The following FAM135B variants were observed in gnomAD, a reference collection of about 807,000 sequenced individuals.
The protein encoded by FAM135B is family with sequence similarity 135 member B, also known as protein FAM135B.
A neutral mutation model predicts 127.7 loss-of-function variants in FAM135B; 43 were observed. The observed-to-expected ratio is 0.34, with a 90% CI of 0.26 to 0.43. The LOEUF is 0.43. Among genes scored for constraint, FAM135B ranks in the 20% least tolerant of loss-of-function variants. The pLI, the probability that FAM135B is intolerant of heterozygous loss-of-function variation, is 1.00. For missense variants in FAM135B, 1,558 were observed against 1,725.6 expected (o/e 0.90, Z 1.72); for synonymous variants, 670 against 665.1 (o/e 1.01, Z -0.11).
At chr8:138,418,884 C>CA (rs761615203) in intron 1 of FAM135B, among the ~76,000 whole-genome samples, 8,810 of 116,248 alleles carry the variant, frequency 0.076, 331 homozygotes, top group African/African-American at 0.12. Context: ...TCACCAACCA[C>CA]AAAAAAAAAA....
chr8:138,226,172 T>TGC, intron 7 of FAM135B, among the ~76,000 whole-genome samples: 1 of 143,392 alleles, frequency 7.0e-6, no homozygotes. Flanking sequence ...TGTGTGTGTG[T>TGC]GTGTGTGTGT....
At chr8:138,244,987 C>T (rs1158410511) in intron 6 of FAM135B, among the ~76,000 whole-genome samples, 2 of 152,162 alleles carry the variant, frequency 1.3e-5, no homozygotes, top group African/African-American at 4.8e-5. Context: ...AAAGCTAGTG[C>T]TTGCCCTATT....
In FAM135B at chr8:138,414,295, C is replaced by T. The variant is rs140659784; in HGVS notation, c.-19-46293G>A. ...CTGAGCCTCAATTTTCTCATCCATA[C>T]AACTGAACCATATGTGCCTGCATGA... On this transcript the variant is annotated intron_variant, in intron 1 of 19. Transcript: ENST00000395297. 1.3e-4 allele frequency among the ~76,000 whole-genome samples: 20 copies of T among 152,126 alleles called. 1 individual carries two copies. Among genetic ancestry groups the T allele is most frequent in the African/African-American group, 4.8e-4 (20 of 41,512 alleles).
At chr8:138,405,732 A>G (rs145555054) in intron 1 of FAM135B, among the ~76,000 whole-genome samples, 60,581 of 151,866 alleles carry the variant, frequency 0.4, 12,554 homozygotes, top group African/African-American at 0.52. Context: ...TATACCCAGT[A>G]ATGGGATGGC....
chr8:138,173,461 G>A (rs1313664472), intron 11 of FAM135B, among the ~76,000 whole-genome samples: 2 of 152,106 alleles, frequency 1.3e-5, no homozygotes, highest in Non-Finnish European at 2.9e-5. Context: ...TGTGGTCTAA[G>A]ATAAGTTACT....
chr8:138,138,196 C>G (rs960746114), intron 18 of FAM135B, among the ~76,000 whole-genome samples: 7 of 152,210 alleles, frequency 4.6e-5, no homozygotes, highest in Non-Finnish European at 1.0e-4. Context: ...CCTCCCTCCT[C>G]CTCCTCCACA....
intron 2 of FAM135B, among the ~76,000 whole-genome samples, chr8:138,360,179 A>C (rs572359695): frequency 6.6e-6 from 1 of 152,350 alleles, no homozygotes; most frequent in East Asian, 1.9e-4. Flanking sequence ...GTTTTGTCTG[A>C]ATTAATATTT....
chr8:138,396,532 T>C (rs1333763922), intron 1 of FAM135B, among the ~76,000 whole-genome samples: 2 of 152,172 alleles, frequency 1.3e-5, no homozygotes, highest in African/African-American at 2.4e-5. Context: ...GAATGCCTGA[T>C]AAATATTTGT....
chr8:138,296,707 C>G (rs939366299), intron 3 of FAM135B, among the ~76,000 whole-genome samples: 1 of 152,114 alleles, frequency 6.6e-6, no homozygotes, highest in African/African-American at 2.4e-5. Flanking sequence ...TTTGTACATA[C>G]GTATTTTGTG....
At chr8:138,414,093 TAA>T (rs1587392184) in intron 1 of FAM135B, among the ~76,000 whole-genome samples, 1 of 132,202 alleles carries the variant, frequency 7.6e-6, no homozygotes, top group East Asian at 2.0e-4. Context: ...ACAATATGCT[TAA>T]GTTCCCCTGT....
intron 3 of FAM135B, among the ~76,000 whole-genome samples, chr8:138,282,597 A>G (rs1824348960): frequency 6.6e-6 from 1 of 152,226 alleles, no homozygotes; most frequent in Non-Finnish European, 1.5e-5. Context: ...ATCATATGTC[A>G]TCAGGGAAAT....
At position 138,433,489 on chromosome 8, in the gene FAM135B, C is replaced by T. The variant is rs780553781; in HGVS notation, c.-20+63182G>A. Among the ~76,000 whole-genome samples the T allele has an allele frequency of 3.3e-5, 5 of 151,386 alleles. No individual in the cohort carries two copies. In the South Asian group the frequency reaches 8.4e-4, roughly 25 times the overall value. On this transcript the variant is annotated intron_variant, in intron 1 of 19. Coordinates refer to ENST00000395297, the MANE Select transcript of FAM135B (RefSeq NM_015912.4). Reference sequence around the variant, plus strand: ...AGTGAGCAGAGATCATGCCACTGCCCTCCCAGCCTGGATGACAGAGCAAGA... The same window carrying T: ...AGTGAGCAGAGATCATGCCACTGCCTTCCCAGCCTGGATGACAGAGCAAGA...
At chr8:138,179,800 C>G (rs1364649750) in intron 9 of FAM135B, among the ~76,000 whole-genome samples, 2 of 152,098 alleles carry the variant, frequency 1.3e-5, no homozygotes, top group Admixed American at 6.5e-5. Flanking sequence ...CTCCAGCAAT[C>G]CTCCAATCTC....
chr8:138,434,091 C>G (rs1354036867), intron 1 of FAM135B, among the ~76,000 whole-genome samples: 1 of 152,336 alleles, frequency 6.6e-6, no homozygotes, highest in Middle Eastern at 3.4e-3. Flanking sequence ...TAAGCTTAGA[C>G]AAGCTTTAGT....
intron 1 of FAM135B, among the ~76,000 whole-genome samples, chr8:138,376,579 C>G (rs890920974): frequency 2.0e-5 from 3 of 152,190 alleles, no homozygotes; most frequent in African/African-American, 4.8e-5. Flanking sequence ...CTTCTTACTT[C>G]TCCAGGCACA....
intron 1 of FAM135B, among the ~76,000 whole-genome samples, chr8:138,370,574 C>G (rs1037920123): frequency 6.6e-6 from 1 of 152,112 alleles, no homozygotes; most frequent in East Asian, 1.9e-4. Flanking sequence ...CCTCAGCCTC[C>G]CGAGTAGCTG....
intron 1 of FAM135B, among the ~76,000 whole-genome samples, chr8:138,373,570 G>A (rs1303116449): frequency 6.6e-6 from 1 of 151,850 alleles, no homozygotes; most frequent in Non-Finnish European, 1.5e-5. Context: ...CAATGTTCAG[G>A]GAATAAGAGA....
At position 138,468,772 on chromosome 8, in the gene FAM135B, C is replaced by T. The variant is rs138943925; in HGVS notation, c.-20+27899G>A. Among the ~76,000 whole-genome samples, 8 of 152,274 alleles carry T rather than the reference C, an allele frequency of 5.3e-5. No homozygotes were observed. The East Asian group carries it at 1.2e-3, about 22-fold the overall frequency. ...TTAATTGAAAATTGGAGGCCGGATA[C>T]GGTGGCTTATGCCTGTAATCCCAGC... is the stretch of plus-strand genomic sequence containing the variant. On this transcript the variant is annotated intron_variant, in intron 1 of 19. Transcript: ENST00000395297.
At chr8:138,388,939 T>TTA (rs139937884) in intron 1 of FAM135B, among the ~76,000 whole-genome samples, 35 of 151,776 alleles carry the variant, frequency 2.3e-4, no homozygotes, top group East Asian at 1.2e-3. Flanking sequence ...TCTATTTGTT[T>TTA]TATATATATA....
Sources: allele counts gnomAD v4.1 joint callset (sites outside exome capture counted in the v4.1 genomes callset), GRCh38; gene constraint gnomAD v4.1.1; transcripts MANE v1.5; gene names NCBI Gene and HGNC (gene_info 2026-07-23, HGNC 2026-07-21).